PCDHGA4: variants seen among roughly 807,000 people sequenced by gnomAD.
PCDHGA4 encodes protocadherin gamma subfamily A, 4, also known as protocadherin gamma-A4.
Under a neutral mutation model 54.6 loss-of-function variants are expected in PCDHGA4, and 38 were observed. The ratio of observed to expected loss-of-function variants is 0.70; its 90% confidence interval spans 0.54 to 0.91. PCDHGA4 has a LOEUF of 0.91. Ranked by LOEUF, PCDHGA4 falls within the 40% of genes least tolerant of loss-of-function variation. The probability of loss-of-function intolerance (pLI) is 0.00; values close to 1 mark genes in which losing one functional copy is unlikely to be tolerated. For synonymous variants in PCDHGA4, 511 were observed against 512.9 expected (o/e 1.00, Z 0.05); for missense variants, 1,298 against 1,220.9 (o/e 1.06, Z -0.94).
At chr5:141,399,304 T>C (rs756847972) in intron 1 of PCDHGA4, 1 of 1,613,956 alleles carries the variant, frequency 6.2e-7, no homozygotes, top group Admixed American at 1.7e-5. Context: ...GATTATCTCT[T>C]CATCCAAAAA....
intron 2 of PCDHGA4, among the ~76,000 whole-genome samples, chr5:141,500,666 G>A (rs567881941): frequency 3.6e-4 from 55 of 152,250 alleles, no homozygotes; most frequent in African/African-American, 1.3e-3. Context: ...AGGCCATACT[G>A]TCCAACAGAA....
At chr5:141,390,649 G>A in intron 1 of PCDHGA4, 1 of 210,770 alleles carries the variant, frequency 4.7e-6, no homozygotes, top group Non-Finnish European at 9.4e-6. Flanking sequence ...TTTTCAGCTT[G>A]GATATACCAT....
chr5:141,372,387 G>A (rs771030632), intron 1 of PCDHGA4: 1 of 1,614,016 alleles, frequency 6.2e-7, no homozygotes, highest in East Asian at 2.2e-5. Flanking sequence ...CCTAATCTTC[G>A]CAGATAGCTT....
chr5:141,447,689 AG>A lies in PCDHGA4; in HGVS notation c.2515-47115del, dbSNP rs145694922. ...TTAGAACTGTTCCATATCTTGATAGAGGGATGGGTTATAAGGATGTACACAT... is the reference window on the plus strand; with the variant it reads ...TTAGAACTGTTCCATATCTTGATAGAGGATGGGTTATAAGGATGTACACAT... On this transcript the variant is annotated intron_variant, in intron 1 of 3. Coordinates refer to ENST00000571252, the MANE Select transcript of PCDHGA4 (RefSeq NM_018917.4). Among the ~76,000 whole-genome samples the A allele has an allele frequency of 4.6e-3, 694 of 152,302 alleles. 4 individuals are homozygous for A. The highest frequency in any genetic ancestry group is 0.015 in the African/African-American group (633 of 41,566).
At chr5:141,510,824 A>G (rs947400590) in intron 3 of PCDHGA4, 123 bp from the exon 4 acceptor site, 2 of 1,563,416 alleles carry the variant, frequency 1.3e-6, no homozygotes, top group Non-Finnish European at 1.7e-6. Flanking sequence ...CTATATTCCC[A>G]GTGCTCAGCG....
intron 1 of PCDHGA4, chr5:141,413,266 GGA>G: frequency 6.2e-7 from 1 of 1,613,962 alleles, no homozygotes; most frequent in South Asian, 1.1e-5. Context: ...ATGGGAGGCT[GGA>G]GCCCGGCAGA....
At chr5:141,465,323 G>A (rs757662972) in intron 1 of PCDHGA4, among the ~76,000 whole-genome samples, 1 of 152,138 alleles carries the variant, frequency 6.6e-6, no homozygotes, top group Non-Finnish European at 1.5e-5. Flanking sequence ...TGTCAATGCA[G>A]TATTTTTTAT....
At chr5:141,470,734 G>C (rs970003510) in intron 1 of PCDHGA4, among the ~76,000 whole-genome samples, 1 of 152,128 alleles carries the variant, frequency 6.6e-6, no homozygotes, top group South Asian at 2.1e-4. Context: ...GTCTTGCTCT[G>C]TCGCCCTGGC....
Position 141,485,395 on chromosome 5 carries a change from C to T in PCDHGA4, c.2515-9412C>T. On this transcript the variant is annotated intron_variant, in intron 1 of 3. Coordinates refer to ENST00000571252, the MANE Select transcript of PCDHGA4 (RefSeq NM_018917.4). The surrounding 1 kb of genome is among the most constrained non-coding windows in gnomAD (Gnocchi z 5.7). Reference sequence around the variant, plus strand: ...TCGCTGGAGAGGTGAACCAAAGACACTTCCGTGTGGATTTGGACAGCGGAG... The same window carrying T: ...TCGCTGGAGAGGTGAACCAAAGACATTTCCGTGTGGATTTGGACAGCGGAG... 5 of 1,614,154 alleles carry T rather than the reference C, an allele frequency of 3.1e-6. No homozygotes were observed. Among genetic ancestry groups the T allele is most frequent in the Non-Finnish European group, 3.4e-6 (4 of 1,180,026 alleles).
intron 1 of PCDHGA4, chr5:141,393,960 G>T: frequency 6.2e-7 from 1 of 1,613,944 alleles, no homozygotes; most frequent in South Asian, 1.1e-5. Context: ...TGGTCAAGTT[G>T]TCTGTTACAC....
In PCDHGA4 at chr5:141,485,735, G is replaced by A; in HGVS notation, c.2515-9072G>A. 6.2e-7 allele frequency: 1 copy of A among 1,614,166 alleles called. No homozygotes were observed. The highest frequency in any genetic ancestry group is 8.5e-7 in the Non-Finnish European group (1 of 1,180,036). On this transcript the variant is annotated intron_variant, in intron 1 of 3. Coordinates refer to ENST00000571252, the MANE Select transcript of PCDHGA4 (RefSeq NM_018917.4). The surrounding 1 kb of genome is among the most constrained non-coding windows in gnomAD (Gnocchi z 5.7). Reference sequence around the variant, plus strand: ...ACTGGATGTGAAGAAGCGCAGCGACGGCAGCCTGGTCCCAGAGCTGCTCCT... The same window carrying A: ...ACTGGATGTGAAGAAGCGCAGCGACAGCAGCCTGGTCCCAGAGCTGCTCCT...
rs144789830 is a variant in PCDHGA4 at position 141,503,198 on chromosome 5, C to T, written c.2574-2195C>T. Among the ~76,000 whole-genome samples the T allele has an allele frequency of 3.7e-3, 561 of 152,172 alleles. 5 individuals carry two copies. Among genetic ancestry groups the T allele is most frequent in the Admixed American group, 0.011 (164 of 15,268 alleles). ...TATTGTGTAATTATTTAAAATCAGC[C>T]TCTCAGTGCCCACCATGAGCACCGT... On this transcript the variant is annotated intron_variant, in intron 2 of 3. Coordinates refer to ENST00000571252, the MANE Select transcript of PCDHGA4 (RefSeq NM_018917.4).
intron 1 of PCDHGA4, chr5:141,403,939 G>C: frequency 6.2e-7 from 1 of 1,613,852 alleles, no homozygotes; most frequent in Non-Finnish European, 8.5e-7. Context: ...GATTGAAAGG[G>C]TGGACAAAAG....
At position 141,486,811 on chromosome 5, in the gene PCDHGA4, C is replaced by A. The variant is rs2099635196; in HGVS notation, c.2515-7996C>A. On this transcript the variant is annotated intron_variant, in intron 1 of 3. Coordinates refer to ENST00000571252, the MANE Select transcript of PCDHGA4 (RefSeq NM_018917.4). The surrounding 1 kb of genome is among the most constrained non-coding windows in gnomAD (Gnocchi z 5.0). ...GGGATCGGGGCAACCCACCCCTTAG[C>A]AGCACTGTAACAGTTCGTCTATTTG... The A allele has an allele frequency of 1.2e-6, 2 of 1,614,124 alleles. No homozygotes were observed. The highest frequency in any genetic ancestry group is 2.2e-5 in the East Asian group (1 of 44,900).
Position 141,361,433 on chromosome 5 carries a change from C to T in PCDHGA4, c.2514+3812C>T, listed in dbSNP as rs370691572. ...ACCGACGGGGGCAAGCCGCCCCTCT[C>T]CTCCAGCATAATTGTCACCCTGCAC... On this transcript the variant is annotated intron_variant, in intron 1 of 3. Transcript: ENST00000571252. The T allele has an allele frequency of 8.7e-6, 14 of 1,613,952 alleles. 1 individual carries two copies. Among genetic ancestry groups the T allele is most frequent in the African/African-American group, 1.3e-5 (1 of 74,958 alleles).
chr5:141,423,753 G>A (rs758300730), intron 1 of PCDHGA4: 1 of 626,096 alleles, frequency 1.6e-6, no homozygotes, highest in Non-Finnish European at 2.0e-6. Context: ...AACTGTTTGG[G>A]GGGGGGGTGG....
At chr5:141,393,270 C>A in intron 1 of PCDHGA4, 1 of 1,613,916 alleles carries the variant, frequency 6.2e-7, no homozygotes, top group East Asian at 2.2e-5. Context: ...AGCACGTTAT[C>A]CACTCCCAGA....
chr5:141,356,643 T>G lies in PCDHGA4; in HGVS notation c.1536T>G (p.Ser512Arg). 6.2e-7 allele frequency: 1 copy of G among 1,614,154 alleles called. No individual in the cohort carries two copies. Among genetic ancestry groups the G allele is most frequent in the Non-Finnish European group, 8.5e-7 (1 of 1,179,974 alleles). Residue 512 changes from serine to arginine, a missense_variant, in exon 1 of 4, where the codon AGT (serine) becomes AGG (arginine). Ser to Arg is a moderately radical substitution (Grantham distance 110). Coordinates refer to ENST00000571252, the MANE Select transcript of PCDHGA4 (RefSeq NM_018917.4). ...CTATGACTGCTCAAGACCCTGACAG[T>G]GGTGACAATGCCCGAATCACTTACT... ...ILSMTAQDPD[S>R]GDNARITYSL...
intron 1 of PCDHGA4, chr5:141,384,394 G>C (rs1252206948): frequency 1.2e-6 from 2 of 1,613,814 alleles, no homozygotes; most frequent in Non-Finnish European, 1.7e-6. Context: ...CATCCAGGGG[G>C]CTCCAGTGTC....
Sources: allele counts gnomAD v4.1 joint callset (sites outside exome capture counted in the v4.1 genomes callset), GRCh38; gene constraint gnomAD v4.1.1; non-coding constraint Gnocchi (gnomAD v3.1); transcripts MANE v1.5; gene names NCBI Gene and HGNC (gene_info 2026-07-23, HGNC 2026-07-21).